The following SORCS1 variants were observed in gnomAD, a reference collection of about 807,000 sequenced individuals.
SORCS1 encodes the protein sortilin related VPS10 domain containing receptor 1, also known as VPS10 domain-containing receptor SorCS1.
Under a neutral mutation model 146.1 loss-of-function variants are expected in SORCS1, and 60 were observed. The observed-to-expected ratio is 0.41, with a 90% CI of 0.33 to 0.51. The LOEUF is 0.51. Ranked by LOEUF, SORCS1 falls within the 20% of genes least tolerant of loss-of-function variation. The pLI is 0.21. For missense variants in SORCS1, 1,352 were observed against 1,487.6 expected (o/e 0.91, Z 1.50); for synonymous variants, 637 against 584.0 (o/e 1.09, Z -1.31).
At chr10:107,136,290 T>G (rs1967293590) in intron 1 of SORCS1, among the ~76,000 whole-genome samples, 1 of 152,244 alleles carries the variant, frequency 6.6e-6, no homozygotes, top group Non-Finnish European at 1.5e-5. Context: ...AAGTCCTGGC[T>G]TTCTTCATAC....
chr10:106,713,098 C>G (rs1855112608), intron 6 of SORCS1, among the ~76,000 whole-genome samples: 1 of 152,144 alleles, frequency 6.6e-6, no homozygotes, highest in Admixed American at 6.5e-5. Context: ...CACTGTGTCT[C>G]AATGTGAATG....
chr10:106,676,306 C>T (rs1330752725), intron 13 of SORCS1, among the ~76,000 whole-genome samples: 1 of 152,042 alleles, frequency 6.6e-6, no homozygotes, highest in Non-Finnish European at 1.5e-5. Context: ...CTGTGGGACA[C>T]GCACAGGCAG....
At chr10:107,148,432 CAT>C (rs976984033) in intron 1 of SORCS1, among the ~76,000 whole-genome samples, 5 of 152,128 alleles carry the variant, frequency 3.3e-5, no homozygotes, top group South Asian at 4.1e-4. Context: ...ATAATTTTCA[CAT>C]GTCATGAAAT....
chr10:106,971,506 T>C (rs1955785322), intron 1 of SORCS1, among the ~76,000 whole-genome samples: 1 of 152,232 alleles, frequency 6.6e-6, no homozygotes, highest in South Asian at 2.1e-4. Context: ...GCATTGCCAT[T>C]TTATCAAATT....
intron 2 of SORCS1, among the ~76,000 whole-genome samples, chr10:106,837,010 C>A (rs1198084032): frequency 1.3e-5 from 2 of 152,152 alleles, no homozygotes; most frequent in East Asian, 1.9e-4. Flanking sequence ...GACTCCTAGC[C>A]CACTTATGTT....
intron 17 of SORCS1, among the ~76,000 whole-genome samples, chr10:106,655,459 G>T (rs931164005): frequency 2.6e-5 from 4 of 152,070 alleles, no homozygotes; most frequent in Non-Finnish European, 4.4e-5. Flanking sequence ...GCACACCTGT[G>T]ATTCTCTCTT....
rs751938995 is a variant in SORCS1 at position 106,620,567 on chromosome 10, G to A, written c.2663-6C>T. 1.2e-6 allele frequency: 2 copies of A among 1,613,296 alleles called. No homozygotes were observed. The highest frequency in any genetic ancestry group is 1.7e-6 in the Non-Finnish European group (2 of 1,179,472). The stretch of plus-strand genomic sequence containing the variant: ...GTGCACGTGCTCCAAGGGACCTGAG[G>A]CACAAGAGAAAGAGAGGCCATGGAT... On this transcript the variant is annotated splice_polypyrimidine_tract_variant and splice_region_variant and intron_variant, in intron 19 of 25. Transcript: ENST00000263054.
At position 106,733,111 on chromosome 10, in the gene SORCS1, A is replaced by AAAAAGAAAAG. The variant is rs527897452; in HGVS notation, c.960-3007_960-2998dup. 1.7e-3 allele frequency among the ~76,000 whole-genome samples: 257 copies of AAAAAGAAAAG among 148,086 alleles called. 6 individuals are homozygous for AAAAAGAAAAG. Among genetic ancestry groups the AAAAAGAAAAG allele is most frequent in the African/African-American group, 5.9e-3 (236 of 39,768 alleles). On this transcript the variant is annotated intron_variant, in intron 5 of 25. Transcript: ENST00000263054. ...CGACAAAGTGATACTCCATTTCAAA[A>AAAAAGAAAAG]AAAAGAAAAGAAAAGAAAAGAAAAG...
chr10:107,085,836 C>T (rs572431094), intron 1 of SORCS1, among the ~76,000 whole-genome samples: 22 of 152,242 alleles, frequency 1.4e-4, no homozygotes, highest in South Asian at 6.2e-4. Flanking sequence ...TTTTGTATTA[C>T]GCCGAGGCAA....
At chr10:107,042,798 T>C (rs1256453721) in intron 1 of SORCS1, among the ~76,000 whole-genome samples, 3 of 151,962 alleles carry the variant, frequency 2.0e-5, no homozygotes, top group Admixed American at 6.6e-5. Flanking sequence ...TTAGTAGAGA[T>C]GGGGTTTCAC....
chr10:107,091,812 A>T (rs1348956539), intron 1 of SORCS1, among the ~76,000 whole-genome samples: 1 of 152,042 alleles, frequency 6.6e-6, no homozygotes, highest in Admixed American at 6.6e-5. Context: ...AACTCTTTTC[A>T]CTCTTCCAGA....
In SORCS1 at chr10:106,871,835, C is replaced by A. The variant is rs190093898; in HGVS notation, c.627-42162G>T. 9.7e-4 allele frequency among the ~76,000 whole-genome samples: 147 copies of A among 152,116 alleles called. 1 individual carries two copies. Among genetic ancestry groups the A allele is most frequent in the Admixed American group, 8.2e-3 (126 of 15,278 alleles). ...GTGATGAAATAATCTGTACAACAAA[C>A]CCCCATGACATAAGTTTACCTATGC... is the stretch of plus-strand genomic sequence containing the variant. On this transcript the variant is annotated intron_variant, in intron 2 of 25. Transcript: ENST00000263054.
chr10:106,887,980 T>C (rs1462995267), intron 2 of SORCS1, among the ~76,000 whole-genome samples: 3 of 152,308 alleles, frequency 2.0e-5, no homozygotes, highest in East Asian at 3.9e-4. Flanking sequence ...CATTGACTTA[T>C]TATGTAACAT....
At chr10:106,774,151 T>C (rs1175952949) in intron 4 of SORCS1, among the ~76,000 whole-genome samples, 3 of 152,334 alleles carry the variant, frequency 2.0e-5, no homozygotes, top group South Asian at 2.1e-4. Flanking sequence ...ACAGGATTCA[T>C]TGGGTCTGTG....
chr10:107,093,775 C>T (rs536919581), intron 1 of SORCS1, among the ~76,000 whole-genome samples: 45 of 152,198 alleles, frequency 3.0e-4, no homozygotes, highest in African/African-American at 1.0e-3. Flanking sequence ...AGAAGCCTTA[C>T]ACAATCTGCC....
At chr10:106,631,083 C>T (rs567609958) in intron 18 of SORCS1, among the ~76,000 whole-genome samples, 1 of 152,088 alleles carries the variant, frequency 6.6e-6, no homozygotes, top group Non-Finnish European at 1.5e-5. Context: ...TTTGAAAAGG[C>T]CAAGTTTAAA....
At chr10:106,842,094 T>A (rs761877591) in intron 2 of SORCS1, among the ~76,000 whole-genome samples, 27 of 152,212 alleles carry the variant, frequency 1.8e-4, no homozygotes, top group Non-Finnish European at 3.2e-4. Flanking sequence ...TTTGGTGTTC[T>A]CAGTGTTTTA....
chr10:106,632,375 G>A (rs906880565), intron 18 of SORCS1, among the ~76,000 whole-genome samples: 1 of 152,128 alleles, frequency 6.6e-6, no homozygotes, highest in Admixed American at 6.6e-5. Flanking sequence ...GTAAGGCTAC[G>A]GCCACTGTAA....
At chr10:106,894,274 T>C (rs754449875) in intron 2 of SORCS1, among the ~76,000 whole-genome samples, 13 of 45,254 alleles carry the variant, frequency 2.9e-4, no homozygotes, top group Non-Finnish European at 4.6e-4. Flanking sequence ...CGTGTGCGTG[T>C]GTGTGTGTGT....
Sources: allele counts gnomAD v4.1 joint callset (sites outside exome capture counted in the v4.1 genomes callset), GRCh38; gene constraint gnomAD v4.1.1; transcripts MANE v1.5; gene names NCBI Gene and HGNC (gene_info 2026-07-23, HGNC 2026-07-21).